PIGL: variants seen among roughly 807,000 people sequenced by gnomAD.
PIGL encodes phosphatidylinositol glycan anchor biosynthesis class L, also known as N-acetylglucosaminyl-phosphatidylinositol de-N-acetylase.
A neutral mutation model predicts 31.1 loss-of-function variants in PIGL; 22 were observed. The ratio of observed to expected loss-of-function variants is 0.71; its 90% CI spans 0.51 to 1.01. The LOEUF (loss-of-function observed/expected upper bound fraction) is 1.01, where lower values mean the gene tolerates loss of function less well. PIGL is among the 50% of genes least tolerant of loss of function. The pLI, the probability that PIGL is intolerant of heterozygous loss-of-function variation, is 0.00. For synonymous variants in PIGL, 131 were observed against 117.4 expected, an observed-to-expected ratio of 1.12 and a Z score of -0.75; for missense variants, 302 against 315.9, an observed-to-expected ratio of 0.96 and a Z score of 0.33.
chr17:16,242,472 A>G (rs535556973), intron 2 of PIGL, among the ~76,000 whole-genome samples: 1 of 152,192 alleles, frequency 6.6e-6, no homozygotes, highest in African/African-American at 2.4e-5. Flanking sequence ...TACTGCTAGT[A>G]TGTAGCTTTA....
chr17:16,239,605 A>T (rs1359580861), intron 2 of PIGL, among the ~76,000 whole-genome samples: 1 of 152,204 alleles, frequency 6.6e-6, no homozygotes, highest in Admixed American at 6.6e-5. Context: ...TATCATACAG[A>T]AATGTAAACT....
chr17:16,225,683 C>A (rs1228822908), intron 1 of PIGL, among the ~76,000 whole-genome samples: 1 of 151,532 alleles, frequency 6.6e-6, no homozygotes, highest in East Asian at 1.9e-4. Context: ...TTTCTTAGAA[C>A]CATATTTGTG....
At chr17:16,217,615 G>C in intron 1 of PIGL, 154 bp downstream of exon 1, 14 of 602,150 alleles carry the variant, frequency 2.3e-5, no homozygotes, top group Admixed American at 9.7e-5. Context: ...CCTAGGGACA[G>C]GAGCGGCCGG....
rs2093078795 is a variant in PIGL, at chr17:16,316,710, A to G, written c.524A>G (p.Lys175Arg). 1 of 1,608,850 alleles carries G rather than the reference A, an allele frequency of 6.2e-7. No homozygotes were observed. The highest frequency in any genetic ancestry group is 8.5e-7 in the Non-Finnish European group (1 of 1,175,802). Residue 175 changes from lysine to arginine, a missense_variant and splice_region_variant, in exon 5 of 7, where the codon AAA (lysine) becomes AGA (arginine). Transcript: ENST00000225609. ...RALHSEGKLP[K>R]GCSVLTLQSV... ...CTGCACTCAGAAGGGAAGTTACCTAAAGGTAAGGCTTGTTCCTTTTGCAAA... is the reference window on the plus strand; with the variant it reads ...CTGCACTCAGAAGGGAAGTTACCTAGAGGTAAGGCTTGTTCCTTTTGCAAA...
chr17:16,303,851 A>C (rs1298573895), intron 3 of PIGL, among the ~76,000 whole-genome samples: 1 of 151,990 alleles, frequency 6.6e-6, no homozygotes, highest in Admixed American at 6.6e-5. Context: ...AGTAGCTGGG[A>C]CTACAGGCGC....
chr17:16,308,055 C>T (rs1035931365), intron 3 of PIGL, among the ~76,000 whole-genome samples: 2 of 151,924 alleles, frequency 1.3e-5, no homozygotes, highest in African/African-American at 4.8e-5. Flanking sequence ...AAGCACAAGG[C>T]TGGGTGCAGT....
rs571333995 is a variant in PIGL, at chr17:16,296,851, G to A, written c.336-3037G>A. Among the ~76,000 whole-genome samples, 37 of 151,734 alleles carry A rather than the reference G, an allele frequency of 2.4e-4. No homozygotes were observed. In the East Asian group the frequency reaches 7.3e-3, roughly 30 times the overall value. On this transcript the variant is annotated intron_variant, in intron 2 of 6. Transcript: ENST00000225609. ...CCTGCCTCAGCCTCCCAAGTAGCTG[G>A]GACTACAGGCGCCCGCCACCACGCC...
intron 1 of PIGL, among the ~76,000 whole-genome samples, chr17:16,229,419 C>T (rs2092668385): frequency 6.8e-6 from 1 of 146,944 alleles, no homozygotes; most frequent in South Asian, 2.1e-4. Context: ...CAATTTGGGG[C>T]TATTATGAAT....
intron 3 of PIGL, among the ~76,000 whole-genome samples, chr17:16,308,656 T>C (rs2093036038): frequency 6.6e-6 from 1 of 152,130 alleles, no homozygotes; most frequent in African/African-American, 2.4e-5. Context: ...GCAGATTGCT[T>C]GAGCCCAGGA....
intron 1 of PIGL, among the ~76,000 whole-genome samples, chr17:16,220,480 A>T (rs111915303): frequency 0.039 from 2,212 of 56,878 alleles, 141 homozygotes; most frequent in African/African-American, 0.1. Context: ...TTAAATTGTT[A>T]TTTTTTTTTT....
chr17:16,264,979 TAAAG>T (rs2092836251), intron 2 of PIGL, among the ~76,000 whole-genome samples: 2 of 152,204 alleles, frequency 1.3e-5, no homozygotes, highest in South Asian at 2.1e-4. Flanking sequence ...ACAATGTGAA[TAAAG>T]AGACAAACTT....
intron 1 of PIGL, among the ~76,000 whole-genome samples, chr17:16,228,050 CTTT>C (rs113533456): frequency 1.6e-5 from 2 of 127,822 alleles, no homozygotes; most frequent in Admixed American, 7.9e-5. Context: ...CCATTTTAAA[CTTT>C]TTTTTTTTTT....
intron 2 of PIGL, among the ~76,000 whole-genome samples, chr17:16,246,602 A>G (rs575001565): frequency 6.6e-6 from 1 of 151,362 alleles, no homozygotes; most frequent in East Asian, 2.0e-4. Context: ...AAAATACCGT[A>G]GACAGTGTGG....
At chr17:16,225,965 A>T (rs543320036) in intron 1 of PIGL, among the ~76,000 whole-genome samples, 43 of 151,736 alleles carry the variant, frequency 2.8e-4, no homozygotes, top group Middle Eastern at 3.4e-3. Flanking sequence ...AGGATCACTT[A>T]ACCCAAGAGT....
intron 6 of PIGL, among the ~76,000 whole-genome samples, chr17:16,318,795 G>A (rs1191039373): frequency 6.6e-6 from 1 of 151,884 alleles, no homozygotes; most frequent in African/African-American, 2.4e-5. Flanking sequence ...GCCAGGCGTG[G>A]TGGCATGCAC....
chr17:16,268,274 T>C (rs1697146201), intron 2 of PIGL, among the ~76,000 whole-genome samples: 1 of 152,134 alleles, frequency 6.6e-6, no homozygotes, highest in Non-Finnish European at 1.5e-5. Context: ...CATGCTATGA[T>C]ATTGGGATAA....
intron 1 of PIGL, among the ~76,000 whole-genome samples, chr17:16,231,473 C>T (rs2142668045): frequency 6.6e-6 from 1 of 152,044 alleles, no homozygotes; most frequent in Middle Eastern, 3.4e-3. Context: ...CTCCTGGCCT[C>T]AAGTGATCCT....
At chr17:16,283,456 A>T (rs563580579) in intron 2 of PIGL, among the ~76,000 whole-genome samples, 1 of 152,172 alleles carries the variant, frequency 6.6e-6, no homozygotes, top group South Asian at 2.1e-4. Context: ...TGACAGAGCA[A>T]GACCCTATTT....
intron 5 of PIGL, chr17:16,317,529 A>G (rs748288909): frequency 2.4e-6 from 3 of 1,243,224 alleles, no homozygotes; most frequent in South Asian, 2.6e-5. Flanking sequence ...CTAGCAGCCA[A>G]CCTTTTTCTG....
Sources: allele counts gnomAD v4.1 joint callset (sites outside exome capture counted in the v4.1 genomes callset), GRCh38; gene constraint gnomAD v4.1.1; transcripts MANE v1.5; gene names NCBI Gene and HGNC (gene_info 2026-07-23, HGNC 2026-07-21).